The following POSTN variants were observed in gnomAD, a reference collection of about 807,000 sequenced individuals.
The protein encoded by POSTN is periostin.
Under a neutral mutation model 104.5 loss-of-function variants are expected in POSTN, and 71 were observed. The ratio of observed to expected loss-of-function variants is 0.68; its 90% CI spans 0.56 to 0.83. The LOEUF (loss-of-function observed/expected upper bound fraction) is 0.83. Ranked by LOEUF, POSTN falls within the 40% of genes least tolerant of loss-of-function variation. The pLI is 0.00. For missense variants in POSTN, 949 were observed against 1,006.8 expected, an observed-to-expected ratio of 0.94 and a Z score of 0.78; for synonymous variants, 355 against 340.7, an observed-to-expected ratio of 1.04 and a Z score of -0.46.
chr13:37,596,670 A>C (rs1297611657), intron 2 of POSTN, among the ~76,000 whole-genome samples: 1 of 152,206 alleles, frequency 6.6e-6, no homozygotes, highest in East Asian at 1.9e-4. Flanking sequence ...GATAAAACTC[A>C]AGTATTTTTT....
chr13:37,571,384 C>A lies in POSTN; in HGVS notation c.2164G>T (p.Glu722Ter). 6.2e-7 allele frequency: 1 copy of A among 1,606,296 alleles called. No individual in the cohort carries two copies. Among genetic ancestry groups the A allele is most frequent in the Non-Finnish European group, 8.5e-7 (1 of 1,173,708 alleles). Reference protein sequence around the residue: ...RLIKEGETITEVIHGEPIIKK... With the variant: ...RLIKEGETIT ...AGGAACGCACCTCCATGGATCACTT[C>A]AGTTATTGTTTCACCTTCTTTAATC... The change falls in exon 18 of 23, where the codon GAA becomes TAA. Residue 722 changes from glutamate (E) to a stop codon, truncating the protein, a stop_gained. Transcript: ENST00000379747. LOFTEE classifies it high-confidence loss of function.
intron 3 of POSTN, among the ~76,000 whole-genome samples, 178 bp from the exon 4 acceptor site, chr13:37,590,707 C>T (rs951604843): frequency 6.6e-6 from 1 of 151,758 alleles, no homozygotes. Context: ...TAATAAAATG[C>T]TACTGAAAAA....
At chr13:37,564,412 C>T (rs1350456030) in intron 22 of POSTN, 107 bp downstream of exon 22, 12 of 660,798 alleles carry the variant, frequency 1.8e-5, no homozygotes, top group South Asian at 1.6e-4. Flanking sequence ...TCTCTCTGAT[C>T]GATAACAAGT....
chr13:37,565,993 A>C (rs1950089003), intron 21 of POSTN, among the ~76,000 whole-genome samples: 1 of 152,150 alleles, frequency 6.6e-6, no homozygotes, highest in East Asian at 1.9e-4. Flanking sequence ...AGTATTTACC[A>C]ATTTCTTTTC....
At chr13:37,594,035 G>C (rs979063207) in intron 2 of POSTN, among the ~76,000 whole-genome samples, 7 of 151,894 alleles carry the variant, frequency 4.6e-5, no homozygotes, top group Non-Finnish European at 4.4e-5. Flanking sequence ...TTGAAGAATA[G>C]TTGGTATTGG....
intron 2 of POSTN, among the ~76,000 whole-genome samples, chr13:37,593,135 T>C (rs1047948053): frequency 1.3e-5 from 2 of 151,290 alleles, no homozygotes; most frequent in African/African-American, 2.4e-5. Context: ...TAACGAAGTG[T>C]GTTAAGTTCT....
At position 37,564,021 on chromosome 13, in the gene POSTN, TTA is replaced by T. The variant is rs564982074; in HGVS notation, c.2473+496_2473+497del. Among the ~76,000 whole-genome samples, 4 of 151,386 alleles carry T rather than the reference TTA, an allele frequency of 2.6e-5. No individual in the cohort carries two copies. The South Asian group carries it at 8.3e-4, about 31-fold the overall frequency. ...TTGCATATATACATTTCTTATTTAC[TTA>T]TGTCTCAAACTGTAGCATTGTCTCA... On this transcript the variant is annotated intron_variant, in intron 22 of 22. Coordinates refer to ENST00000379747, the MANE Select transcript of POSTN (RefSeq NM_006475.3).
intron 20 of POSTN, 73 bp from the exon 21 acceptor site, chr13:37,569,456 A>T: frequency 8.5e-7 from 1 of 1,174,558 alleles, no homozygotes; most frequent in Non-Finnish European, 1.3e-6. Context: ...TATGTCATAA[A>T]TAATGGCATC....
chr13:37,569,150 T>C (rs992458599), intron 21 of POSTN, 150 bp downstream of exon 21: 2 of 570,612 alleles, frequency 3.5e-6, no homozygotes, highest in East Asian at 5.8e-5. Flanking sequence ...TAACTACCAT[T>C]GAACCAATCC....
chr13:37,592,831 G>T (rs1768169078), intron 2 of POSTN, among the ~76,000 whole-genome samples: 1 of 152,066 alleles, frequency 6.6e-6, no homozygotes, highest in African/African-American at 2.4e-5. Flanking sequence ...AATCTCAAAT[G>T]AAATAATGCT....
chr13:37,568,326 G>A (rs1950173049), intron 21 of POSTN, among the ~76,000 whole-genome samples: 1 of 151,996 alleles, frequency 6.6e-6, no homozygotes, highest in African/African-American at 2.4e-5. Flanking sequence ...TTAAACTACA[G>A]AATATAGAAA....
At position 37,586,835 on chromosome 13, in the gene POSTN, C is replaced by CA. The variant is rs1292438749; in HGVS notation, c.699dup (p.Gly234TrpfsTer9). 4 of 1,612,440 alleles carry CA rather than the reference C, an allele frequency of 2.5e-6. No individual in the cohort carries two copies. Among genetic ancestry groups the CA allele is most frequent in the Non-Finnish European group, 3.4e-6 (4 of 1,179,120 alleles). On this transcript the variant is annotated frameshift_variant, in exon 6 of 23. Transcript: ENST00000379747. LOFTEE classifies it high-confidence loss of function. ...TCAATGAAGTCTTGAATTGAGGTAC[C>CA]AATTTGTGTAAGCACACGGTCAATG...
At chr13:37,566,322 T>A (rs1019906757) in intron 21 of POSTN, among the ~76,000 whole-genome samples, 3 of 152,192 alleles carry the variant, frequency 2.0e-5, no homozygotes, top group African/African-American at 7.2e-5. Context: ...CTCAATTATT[T>A]TGACATTTTA....
In POSTN at chr13:37,592,172, T is replaced by C. The variant is rs776525426; in HGVS notation, c.219-8A>G. On this transcript the variant is annotated splice_region_variant and splice_polypyrimidine_tract_variant and intron_variant, in intron 2 of 22. Coordinates refer to ENST00000379747, the MANE Select transcript of POSTN (RefSeq NM_006475.3). ...CATTCATATAACACAGTCCTGTACATAGGAAGAAAATTAATATTAAAATGA... is the reference window on the plus strand; with the variant it reads ...CATTCATATAACACAGTCCTGTACACAGGAAGAAAATTAATATTAAAATGA... The C allele has an allele frequency of 2.0e-6, 3 of 1,508,368 alleles. No individual in the cohort carries two copies. The highest frequency in any genetic ancestry group is 2.8e-5 in the African/African-American group (2 of 71,878). The allele number at this position is 1,508,368 out of a possible 1,614,324, so 93.4% of individuals were successfully genotyped here.
At chr13:37,568,687 T>C (rs1950180489) in intron 21 of POSTN, 1 of 150,336 alleles carries the variant, frequency 6.7e-6, no homozygotes. Context: ...TTTGAATTCT[T>C]TTTTTTTTGT....
intron 17 of POSTN, among the ~76,000 whole-genome samples, chr13:37,572,491 C>T (rs879402272): frequency 1.8e-4 from 28 of 151,526 alleles, no homozygotes; most frequent in South Asian, 4.1e-4. Context: ...AAAGAAAGGA[C>T]GCCTAAGGAA....
intron 3 of POSTN, among the ~76,000 whole-genome samples, chr13:37,591,457 C>A (rs1002015522): frequency 1.3e-5 from 2 of 152,114 alleles, no homozygotes; most frequent in African/African-American, 2.4e-5. Context: ...CTTTAAATAT[C>A]AGTCTAGGTT....
At chr13:37,579,787 T>C in intron 12 of POSTN, 74 bp downstream of exon 12, 1 of 1,511,384 alleles carries the variant, frequency 6.6e-7, no homozygotes. Flanking sequence ...GGCAGACATC[T>C]GGACAGGAAA....
intron 15 of POSTN, 91 bp from the exon 16 acceptor site, chr13:37,577,889 A>T: frequency 6.4e-7 from 1 of 1,557,512 alleles, no homozygotes; most frequent in African/African-American, 1.4e-5. Flanking sequence ...TAAAGTAAAA[A>T]TAGTGAAGCT....
Sources: gnomAD v4.1 joint callset for allele counts (sites outside exome capture counted in the v4.1 genomes callset) on GRCh38, gnomAD v4.1.1 for gene constraint, MANE v1.5 for transcripts, NCBI Gene and HGNC (gene_info 2026-07-23, HGNC 2026-07-21) for gene names.